Variants in ZNF536 observed in about 807,000 individuals in gnomAD.
ZNF536 encodes the protein zinc finger protein 536.
Under a neutral mutation model 84.5 loss-of-function variants are expected in ZNF536, and 13 were observed. The observed-to-expected ratio is 0.15, with a 90% CI of 0.10 to 0.24. The LOEUF (loss-of-function observed/expected upper bound fraction) is 0.24, where lower values mean the gene tolerates loss of function less well. Ranked by LOEUF, ZNF536 falls within the 10% of genes least tolerant of loss-of-function variation. The pLI, the probability that ZNF536 is intolerant of heterozygous loss-of-function variation, is 1.00. For missense variants in ZNF536, 1,536 were observed against 1,747.5 expected (o/e 0.88, Z 2.16); for synonymous variants, 811 against 742.5 (o/e 1.09, Z -1.50).
rs2048219567 is a variant in ZNF536, at chr19:30,359,918, C to T, written c.-3+7434C>T. Among the ~76,000 whole-genome samples the T allele has an allele frequency of 5.3e-5, 8 of 152,328 alleles. No individual in the cohort carries two copies. The South Asian group carries it at 1.7e-3, about 32-fold the overall frequency. ...CTGGGACAGGCAGAAGGACAAGATGCTTTCTGTGGTATGAGGCCACCTGCT... is the reference window on the plus strand; with the variant it reads ...CTGGGACAGGCAGAAGGACAAGATGTTTTCTGTGGTATGAGGCCACCTGCT... On this transcript the variant is annotated intron_variant, in intron 3 of 5. Coordinates refer to the ZNF536 transcript ENST00000585628.
chr19:30,501,133 T>C (rs2054934797), intron 2 of ZNF536, among the ~76,000 whole-genome samples: 2 of 152,200 alleles, frequency 1.3e-5, no homozygotes, highest in African/African-American at 4.8e-5. Context: ...ACCCTACTAA[T>C]GGGATTAACC....
chr19:30,646,335 G>C (rs1204085372), intron 1 of ZNF536, among the ~76,000 whole-genome samples: 1 of 152,190 alleles, frequency 6.6e-6, no homozygotes, highest in African/African-American at 2.4e-5. Context: ...GCAGCCTCTG[G>C]GGAAAGAAGC....
At chr19:30,479,513 T>C (rs910961076) in intron 2 of ZNF536, among the ~76,000 whole-genome samples, 3 of 152,234 alleles carry the variant, frequency 2.0e-5, no homozygotes, top group Non-Finnish European at 4.4e-5. Flanking sequence ...ACAGACCAGA[T>C]GTGGAAAAGG....
At chr19:30,407,728 G>C (rs972789974) in intron 1 of ZNF536, among the ~76,000 whole-genome samples, 1 of 152,156 alleles carries the variant, frequency 6.6e-6, no homozygotes, top group Non-Finnish European at 1.5e-5. Context: ...ACATAAAGTG[G>C]ATTATGCTTG....
intron 1 of ZNF536, among the ~76,000 whole-genome samples, chr19:30,629,856 C>T (rs971654704): frequency 2.6e-5 from 4 of 152,256 alleles, no homozygotes; most frequent in Non-Finnish European, 4.4e-5. Context: ...GTCCCTCCTG[C>T]ACAGCAGCTC....
At chr19:30,674,714 C>T (rs1456978854) in intron 1 of ZNF536, among the ~76,000 whole-genome samples, 1 of 152,198 alleles carries the variant, frequency 6.6e-6, no homozygotes, top group Non-Finnish European at 1.5e-5. Flanking sequence ...GAGGCACTTT[C>T]AGCTTGTCCA....
At chr19:30,626,351 T>G (rs2048677285) in intron 1 of ZNF536, among the ~76,000 whole-genome samples, 2 of 151,744 alleles carry the variant, frequency 1.3e-5, no homozygotes, top group African/African-American at 4.8e-5. Context: ...TAAGATTTTC[T>G]GGGGGTTATT....
intron 1 of ZNF536, among the ~76,000 whole-genome samples, chr19:30,648,498 C>A (rs2049564952): frequency 6.6e-6 from 1 of 152,192 alleles, no homozygotes; most frequent in South Asian, 2.1e-4. Context: ...GTGTGAGCCC[C>A]CACCCCTCCA....
In ZNF536 at chr19:30,444,345, C is replaced by T. The variant is rs1568435155; in HGVS notation, c.783C>T (p.Ala261=). 6.3e-7 allele frequency: 1 copy of T among 1,597,622 alleles called. No homozygotes were observed. The highest frequency in any genetic ancestry group is 8.5e-7 in the Non-Finnish European group (1 of 1,177,566). ...ACCCGGTGCCCTCGCCCAAGCCTGC[C>T]AGCGTGCAGGAGGACGCGGTGGCCC... The part of the protein sequence containing the change: ...VAHPVPSPKP[A]SVQEDAVAPA... The change falls in exon 2 of 5, where the codon GCC becomes GCT. Residue 261 remains alanine, a synonymous_variant. Transcript: ENST00000355537.
chr19:30,408,739 G>A (rs187772285), intron 1 of ZNF536, among the ~76,000 whole-genome samples: 3 of 150,182 alleles, frequency 2.0e-5, no homozygotes, highest in South Asian at 2.1e-4. Flanking sequence ...TTGATCCATC[G>A]GTCCATCTGT....
intron 1 of ZNF536, among the ~76,000 whole-genome samples, chr19:30,606,263 A>AAAT (rs879567238): frequency 0.1 from 1,162 of 11,462 alleles, 76 homozygotes; most frequent in Admixed American, 0.37. Context: ...AAATAAAATA[A>AAAT]AATAAAATAA....
chr19:30,594,306 G>A (rs565829435), intron 1 of ZNF536, among the ~76,000 whole-genome samples: 2 of 152,322 alleles, frequency 1.3e-5, no homozygotes, highest in South Asian at 4.1e-4. Context: ...TACTTTCTGA[G>A]GGCATGTGCA....
chr19:30,426,877 T>C (rs2051237462), intron 1 of ZNF536, among the ~76,000 whole-genome samples: 1 of 152,186 alleles, frequency 6.6e-6, no homozygotes, highest in Non-Finnish European at 1.5e-5. Flanking sequence ...CATTCAATAA[T>C]TTGTTGGTGG....
At position 30,557,435 on chromosome 19, in the gene ZNF536, A is replaced by C; in HGVS notation, c.*271A>C. ...GCTTAGTAACTTGAGCAGGAGAGAA[A>C]ACTCCCTCAAAGTCATAAATCCTGA... On this transcript the variant is annotated 3_prime_UTR_variant, in exon 5 of 5. Transcript: ENST00000355537. The C allele has an allele frequency of 2.9e-6, 1 of 341,610 alleles. No individual in the cohort carries two copies. The highest frequency in any genetic ancestry group is 7.7e-5 in the South Asian group (1 of 13,062). The allele number at this position is 341,610 out of a possible 1,614,324, so 21.2% of individuals were successfully genotyped here.
rs571238361 is a variant in ZNF536 at position 30,325,823 on chromosome 19, C to T, written c.-119-26545C>T. 1.8e-4 allele frequency among the ~76,000 whole-genome samples: 28 copies of T among 152,302 alleles called. No individual in the cohort carries two copies. The South Asian group carries it at 4.8e-3, about 26-fold the overall frequency. Reference sequence around the variant, plus strand: ...GTGCCCACTGTTGGAGCAAGCTGCACCTTGGTCACAGGCACTGGGCTGCCC... The same window carrying T: ...GTGCCCACTGTTGGAGCAAGCTGCATCTTGGTCACAGGCACTGGGCTGCCC... On this transcript the variant is annotated intron_variant, in intron 2 of 5. Transcript: ENST00000585628.
At chr19:30,677,112 T>C (rs73927151) in intron 1 of ZNF536, among the ~76,000 whole-genome samples, 10,251 of 152,326 alleles carry the variant, frequency 0.067, 615 homozygotes, top group African/African-American at 0.15. Context: ...TTAACAATTA[T>C]GAGCCCAAAT....
chr19:30,492,462 G>T (rs189575938), intron 2 of ZNF536, among the ~76,000 whole-genome samples: 1 of 152,198 alleles, frequency 6.6e-6, no homozygotes, highest in Non-Finnish European at 1.5e-5. Context: ...TAAAGCTGAG[G>T]TATCATATAT....
At chr19:30,634,590 C>T (rs187036532) in intron 1 of ZNF536, among the ~76,000 whole-genome samples, 6 of 152,186 alleles carry the variant, frequency 3.9e-5, no homozygotes, top group Admixed American at 1.3e-4. Context: ...CCGGCATAAT[C>T]GAAAGTCCTG....
intron 1 of ZNF536, among the ~76,000 whole-genome samples, chr19:30,262,712 C>T (rs948729400): frequency 2.0e-5 from 3 of 152,084 alleles, no homozygotes; most frequent in African/African-American, 7.2e-5. Flanking sequence ...GCAACAGTGT[C>T]GCCTCCCTGC....
Sources: gnomAD v4.1 joint callset for allele counts (sites outside exome capture counted in the v4.1 genomes callset) on GRCh38, gnomAD v4.1.1 for gene constraint, MANE v1.5 for transcripts, NCBI Gene and HGNC (gene_info 2026-07-23, HGNC 2026-07-21) for gene names.